The following HMX1 variants were observed in gnomAD, a reference collection of about 807,000 sequenced individuals.
HMX1 encodes the protein H6 family homeobox 1.
Under a neutral mutation model 8.9 loss-of-function variants are expected in HMX1, and 8 were observed. The ratio of observed to expected loss-of-function variants is 0.90; its 90% CI spans 0.53 to 1.63. HMX1 has a LOEUF of 1.63. HMX1 is among the 40% of genes most tolerant of loss of function. HMX1 has a pLI of 0.00. For missense variants in HMX1, 621 were observed against 558.5 expected, an observed-to-expected ratio of 1.11 and a Z score of -1.13; for synonymous variants, 311 against 283.4, an observed-to-expected ratio of 1.10 and a Z score of -0.98.
At chr4:8,850,450 C>A (rs952179315) in intron 1 of HMX1, among the ~76,000 whole-genome samples, 4 of 152,150 alleles carry the variant, frequency 2.6e-5, no homozygotes, top group African/African-American at 9.7e-5. Flanking sequence ...TTACCCTGAC[C>A]TCGGGCTGCA....
At position 8,867,886 on chromosome 4, in the gene HMX1, AGCACCG is replaced by A. The variant is rs1392272407; in HGVS notation, c.848_853del (p.Pro283_Val284del). On this transcript the variant is annotated inframe_deletion, in exon 2 of 2. Coordinates refer to ENST00000400677, the MANE Select transcript of HMX1 (RefSeq NM_018942.3). ...TGCGGCCGGGGGGCTTTCGTGGTAGAGCACCGGCACGCGGACCAGGCGCTGCGCTCC... is the reference window on the plus strand; with the variant it reads ...TGCGGCCGGGGGGCTTTCGTGGTAGAGCACGCGGACCAGGCGCTGCGCTCC... 1.5e-6 allele frequency: 2 copies of A among 1,335,518 alleles called. No individual in the cohort carries two copies. Among genetic ancestry groups the A allele is most frequent in the Non-Finnish European group, 1.9e-6 (2 of 1,042,170 alleles). 82.7% of individuals were successfully genotyped at this position (1,335,518 alleles called of 1,614,324 possible).
Position 8,871,230 on chromosome 4 carries a change from T to G in HMX1, c.385A>C (p.Ser129Arg), listed in dbSNP as rs1232184427. ...CCGCGCCCTCACTCACTGTCAGGAC[T>G]GAGGCCGCCTCCATAGCCACCGTGC... is the stretch of plus-strand genomic sequence containing the variant. ...RAHGGYGGGL[S>R]PDTSDRDSPE... Residue 129 changes from serine to arginine, a missense_variant, in exon 1 of 2, where the codon AGT becomes CGT. Ser to Arg is a moderately radical substitution (Grantham distance 110, BLOSUM62 -1). Transcript: ENST00000400677. The surrounding 1 kb of genome is among the most constrained non-coding windows in gnomAD (Gnocchi z 4.8). The G allele has an allele frequency of 6.8e-7, 1 of 1,478,954 alleles. No homozygotes were observed. The highest frequency in any genetic ancestry group is 2.9e-5 in the East Asian group (1 of 34,526). The allele number at this position is 1,478,954 out of a possible 1,614,324, so 91.6% of individuals were successfully genotyped here. A position where few individuals can be genotyped will look rare whatever the true frequency, so the allele number is the denominator to read the frequency against.
At chr4:8,854,215 T>C (rs1721540238) in intron 1 of HMX1, among the ~76,000 whole-genome samples, 1 of 152,178 alleles carries the variant, frequency 6.6e-6, no homozygotes, top group African/African-American at 2.4e-5. Context: ...TCCAGGGAAG[T>C]GCTCAGGGGC....
Position 8,868,502 on chromosome 4 carries a change from C to T in HMX1, c.395-157G>A, listed in dbSNP as rs1722107187. 1.3e-5 allele frequency among the ~76,000 whole-genome samples: 2 copies of T among 152,188 alleles called. No individual in the cohort carries two copies. The highest frequency in any genetic ancestry group is 2.9e-5 in the Non-Finnish European group (2 of 68,038). On this transcript the variant is annotated intron_variant, in intron 1 of 1. Coordinates refer to ENST00000400677, the MANE Select transcript of HMX1 (RefSeq NM_018942.3). The surrounding 1 kb of genome is among the most constrained non-coding windows in gnomAD (Gnocchi z 4.6). Reference sequence around the variant, plus strand: ...CACCCAGCAGCTCTGGGGATGCACACATTGTCAGAACCGTGGGAGGCGGCC... The same window carrying T: ...CACCCAGCAGCTCTGGGGATGCACATATTGTCAGAACCGTGGGAGGCGGCC...
chr4:8,868,300 G>A lies in HMX1; in HGVS notation c.440C>T (p.Ala147Val), dbSNP rs1434976169. Residue 147 changes from alanine (A) to valine (V), a missense_variant, in exon 2 of 2, where the codon GCG becomes GTG. Ala to Val is a moderately conservative substitution (Grantham distance 64). Coordinates refer to ENST00000400677, the MANE Select transcript of HMX1 (RefSeq NM_018942.3). The surrounding 1 kb of genome is among the most constrained non-coding windows in gnomAD (Gnocchi z 4.6). ...GGGGCCTCGCGGCCAGGCGCCCTCC[G>A]CACGGCCCATCTCCTCGCCCGTCTC... ...SPETGEEMGR[A>V]EGAWPRGPGP... 3.5e-6 allele frequency: 5 copies of A among 1,439,404 alleles called. No individual in the cohort carries two copies. The highest frequency in any genetic ancestry group is 2.6e-5 in the Admixed American group (1 of 37,918). 89.2% of individuals were successfully genotyped at this position (1,439,404 alleles called of 1,614,324 possible).
chr4:8,870,253 G>T lies in HMX1; in HGVS notation c.394+968C>A, dbSNP rs1722168275. 6.6e-6 allele frequency among the ~76,000 whole-genome samples: 1 copy of T among 152,118 alleles called. No individual in the cohort carries two copies. Among genetic ancestry groups the T allele is most frequent in the African/African-American group, 2.4e-5 (1 of 41,424 alleles). On this transcript the variant is annotated intron_variant, in intron 1 of 1. Coordinates refer to ENST00000400677, the MANE Select transcript of HMX1 (RefSeq NM_018942.3). The surrounding 1 kb of genome is among the most constrained non-coding windows in gnomAD (Gnocchi z 4.4). ...GGGGGGCTGGCTAAGCCAGGGCTTG[G>T]GGGGTTGGACTGGCTTTCCTGGCCT...
At chr4:8,862,023 T>TA (rs969331436) in intron 1 of HMX1, among the ~76,000 whole-genome samples, 2 of 152,186 alleles carry the variant, frequency 1.3e-5, no homozygotes, top group African/African-American at 4.8e-5. Context: ...TCCTCCCTGA[T>TA]ATGTCCTCGA....
chr4:8,866,781 G>A (rs944080020), downstream of HMX1, among the ~76,000 whole-genome samples: 2 of 152,200 alleles, frequency 1.3e-5, no homozygotes, highest in African/African-American at 2.4e-5. Flanking sequence ...CCTGCCTTTC[G>A]GTTTCAGTCA....
intron 1 of HMX1, among the ~76,000 whole-genome samples, chr4:8,852,190 T>G (rs889958399): frequency 1.3e-4 from 20 of 152,208 alleles, no homozygotes; most frequent in Non-Finnish European, 2.5e-4. Flanking sequence ...AGACCTTGGG[T>G]GAAGCCAATT....
chr4:8,859,232 G>A (rs1721716012), intron 1 of HMX1: 1 of 151,562 alleles, frequency 6.6e-6, no homozygotes, highest in African/African-American at 2.4e-5. Context: ...CAGGATATGA[G>A]GAACCTCAGG....
At chr4:8,857,124 G>C (rs1433355589) in intron 1 of HMX1, among the ~76,000 whole-genome samples, 1 of 152,200 alleles carries the variant, frequency 6.6e-6, no homozygotes, top group Non-Finnish European at 1.5e-5. Context: ...AGTCGAACTT[G>C]GGATGCCTTT....
chr4:8,846,251 C>T (rs977326889), exon 2 of HMX1: 3 of 1,534,784 alleles, frequency 2.0e-6, no homozygotes, highest in African/African-American at 2.7e-5. Flanking sequence ...CACTTCTGTT[C>T]ACTTTGTATT....
In HMX1 at chr4:8,853,824, G is replaced by T. The variant is rs975187878; in HGVS notation, c.395-7500C>A. On this transcript the variant is annotated intron_variant, in intron 1 of 1. Transcript: ENST00000506970. This position sits in a 1 kb window ranked among gnomAD's most constrained non-coding sequence, Gnocchi z 4.7. ...GCCGAGATCACACCACTGCACTCCA[G>T]CCTGGGCAACAAGAGCAAAATTCCA... is the stretch of plus-strand genomic sequence containing the variant. Among the ~76,000 whole-genome samples, 1 of 151,766 alleles carries T rather than the reference G, an allele frequency of 6.6e-6. No individual in the cohort carries two copies. Among genetic ancestry groups the T allele is most frequent in the East Asian group, 1.9e-4 (1 of 5,168 alleles).
At chr4:8,861,127 G>A (rs1721797376) in intron 1 of HMX1, among the ~76,000 whole-genome samples, 1 of 152,168 alleles carries the variant, frequency 6.6e-6, no homozygotes, top group Non-Finnish European at 1.5e-5. Flanking sequence ...CCACTGTCGG[G>A]GTTCCGTTCC....
chr4:8,854,345 G>A (rs1333207768), intron 1 of HMX1, among the ~76,000 whole-genome samples: 3 of 152,256 alleles, frequency 2.0e-5, no homozygotes, highest in Non-Finnish European at 4.4e-5. Flanking sequence ...AGAGCCTGAG[G>A]CTCACAGAGG....
At chr4:8,863,523 C>G (rs1212728945), downstream of HMX1, among the ~76,000 whole-genome samples, 5 of 152,268 alleles carry the variant, frequency 3.3e-5, no homozygotes, top group Non-Finnish European at 1.5e-5. Flanking sequence ...CACCCCTCCC[C>G]TGCACCTGAT....
In HMX1 at chr4:8,871,222, G is replaced by A. The variant is rs1308729721; in HGVS notation, c.393C>T (p.Asp131=). 3.4e-6 allele frequency: 5 copies of A among 1,469,848 alleles called. No homozygotes were observed. The highest frequency in any genetic ancestry group is 3.0e-5 in the African/African-American group (2 of 67,772). 91.1% of individuals were successfully genotyped at this position (1,469,848 alleles called of 1,614,324 possible). The change falls in exon 1 of 2, where the codon GAC becomes GAT. Residue 131 remains aspartate, a splice_region_variant and synonymous_variant. Coordinates refer to ENST00000400677, the MANE Select transcript of HMX1 (RefSeq NM_018942.3). The surrounding 1 kb of genome is among the most constrained non-coding windows in gnomAD (Gnocchi z 4.8). The part of the protein sequence containing the change: ...HGGYGGGLSP[D]TSDRDSPETG... ...CACCCTCCCCGCGCCCTCACTCACT[G>A]TCAGGACTGAGGCCGCCTCCATAGC...
rs758191258 is a variant in HMX1, at chr4:8,867,663, G to A, written c.*30C>T. ...TCGCGCGTCCACACAGGTCCACAGG[G>A]TCGTGGGGAGAGGGCCCGGCAGGCG... On this transcript the variant is annotated 3_prime_UTR_variant, in exon 2 of 2. Coordinates refer to ENST00000400677, the MANE Select transcript of HMX1 (RefSeq NM_018942.3). 1.4e-4 allele frequency: 169 copies of A among 1,236,068 alleles called. No individual in the cohort carries two copies. The highest frequency in any genetic ancestry group is 5.1e-4 in the Admixed American group (12 of 23,524). 76.6% of individuals were successfully genotyped at this position (1,236,068 alleles called of 1,614,324 possible).
intron 1 of HMX1, among the ~76,000 whole-genome samples, chr4:8,855,907 C>G (rs1236035192): frequency 1.3e-5 from 2 of 152,242 alleles, no homozygotes; most frequent in Non-Finnish European, 2.9e-5. Flanking sequence ...CGGGGCCAGC[C>G]TGCCCTCCCC....
Sources: gnomAD v4.1 joint callset for allele counts (sites outside exome capture counted in the v4.1 genomes callset) on GRCh38, gnomAD v4.1.1 for gene constraint, Gnocchi (gnomAD v3.1) non-coding constraint, MANE v1.5 for transcripts, NCBI Gene and HGNC (gene_info 2026-07-23, HGNC 2026-07-21) for gene names.